The following FNBP1 variants were observed in gnomAD, a reference collection of about 807,000 sequenced individuals.
FNBP1 encodes the protein formin binding protein 1, also known as formin-binding protein 1.
Under a neutral mutation model 90.6 loss-of-function variants are expected in FNBP1, and 26 were observed. That is an observed-to-expected ratio of 0.29 (90% CI 0.21 to 0.40). The LOEUF (loss-of-function observed/expected upper bound fraction) is 0.40. Ranked by LOEUF, FNBP1 falls within the 10% of genes least tolerant of loss-of-function variation. FNBP1 has a pLI of 1.00. For synonymous variants in FNBP1, 260 were observed against 265.2 expected (o/e 0.98, Z 0.19); for missense variants, 635 against 768.0 (o/e 0.83, Z 2.05).
At chr9:129,946,383 C>G (rs1450814936) in intron 6 of FNBP1, among the ~76,000 whole-genome samples, 1 of 152,150 alleles carries the variant, frequency 6.6e-6, no homozygotes, top group African/African-American at 2.4e-5. Context: ...AACTGATACA[C>G]TGTTCAGTGC....
chr9:129,912,429 C>T (rs1030362678), intron 11 of FNBP1, among the ~76,000 whole-genome samples: 1 of 152,142 alleles, frequency 6.6e-6, no homozygotes, highest in Non-Finnish European at 1.5e-5. Context: ...TAGCTCATGC[C>T]TGTAATCTTG....
At chr9:129,949,233 G>A (rs1356993887) in intron 6 of FNBP1, among the ~76,000 whole-genome samples, 1 of 152,116 alleles carries the variant, frequency 6.6e-6, no homozygotes, top group Non-Finnish European at 1.5e-5. Flanking sequence ...GCTGCAAAAT[G>A]TCAAAGAAGA....
At chr9:129,929,859 G>A (rs1295957141) in intron 6 of FNBP1, among the ~76,000 whole-genome samples, 164 bp from the exon 7 acceptor site, 2 of 152,100 alleles carry the variant, frequency 1.3e-5, no homozygotes, top group Non-Finnish European at 2.9e-5. Context: ...ATTGACTTTA[G>A]GTAAGCAATG....
chr9:129,995,055 G>A, intron 1 of FNBP1, 97 bp from the exon 2 acceptor site: 2 of 693,356 alleles, frequency 2.9e-6, no homozygotes, highest in East Asian at 5.4e-5. Flanking sequence ...TACATACAAA[G>A]TAGTACTAAT....
chr9:130,024,566 G>A (rs1057498117), intron 1 of FNBP1, among the ~76,000 whole-genome samples: 1 of 152,132 alleles, frequency 6.6e-6, no homozygotes, highest in Non-Finnish European at 1.5e-5. Context: ...TTCTAGATCT[G>A]CTTGAAGTTA....
chr9:129,929,054 G>A (rs1302032909), intron 7 of FNBP1, among the ~76,000 whole-genome samples: 1 of 151,852 alleles, frequency 6.6e-6, no homozygotes, highest in Non-Finnish European at 1.5e-5. Context: ...GGTCGTGATT[G>A]TGCACTGCAC....
chr9:130,005,511 T>A (rs2055563827), intron 1 of FNBP1, among the ~76,000 whole-genome samples: 1 of 151,832 alleles, frequency 6.6e-6, no homozygotes, highest in Non-Finnish European at 1.5e-5. Flanking sequence ...CCGGCTAATT[T>A]TTTGTATTTT....
intron 16 of FNBP1, among the ~76,000 whole-genome samples, chr9:129,893,637 A>AGAAAAAAAAG (rs1554755876): frequency 1.6e-5 from 1 of 62,224 alleles, no homozygotes; most frequent in Non-Finnish European, 2.6e-5. Context: ...AAAAAAAAAA[A>AGAAAAAAAAG]GCCAGGCACG....
intron 4 of FNBP1, 59 bp downstream of exon 4, chr9:129,978,406 G>A (rs1358223697): frequency 7.4e-7 from 1 of 1,349,010 alleles, no homozygotes; most frequent in African/African-American, 1.4e-5. Context: ...ATCTTCTAGG[G>A]ATATTCCCAC....
At chr9:129,902,812 C>G in intron 13 of FNBP1, 57 bp downstream of exon 13, 1 of 1,586,544 alleles carries the variant, frequency 6.3e-7, no homozygotes, top group Non-Finnish European at 8.6e-7. Context: ...CCATTCTACA[C>G]CGAGGAACAC....
chr9:130,024,946 G>C lies in FNBP1; in HGVS notation c.24+18006C>G, dbSNP rs181747522. Among the ~76,000 whole-genome samples, 288 of 152,128 alleles carry C rather than the reference G, an allele frequency of 1.9e-3. 2 individuals are homozygous for C. Among genetic ancestry groups the C allele is most frequent in the African/African-American group, 6.6e-3 (274 of 41,514 alleles). On this transcript the variant is annotated intron_variant, in intron 1 of 16. Coordinates refer to ENST00000446176, the MANE Select transcript of FNBP1 (RefSeq NM_015033.3). ...TGTAATCCCAGCACTTTGGGAGGCC[G>C]AGGTGGGTGAATCACCTGAGGTCAG...
At chr9:129,903,096 G>A (rs2037272230) in intron 12 of FNBP1, 95 bp from the exon 13 acceptor site, 8 of 1,223,504 alleles carry the variant, frequency 6.5e-6, no homozygotes, top group East Asian at 2.6e-5. Context: ...GCAATGGTGC[G>A]ATCTCGGCTC....
At chr9:129,903,648 A>T (rs1277113508) in intron 12 of FNBP1, among the ~76,000 whole-genome samples, 1 of 152,274 alleles carries the variant, frequency 6.6e-6, no homozygotes, top group Admixed American at 6.5e-5. Flanking sequence ...TACTTTAAAA[A>T]TTTTTAATTA....
rs368951208 is a variant in FNBP1, at chr9:129,908,988, C to T, written c.1197G>A (p.Pro399=). The part of the protein sequence containing the change: ...RGLSLKLGAT[P]EDFSNLPPEQ... ...CAGGTGGGAGGTTGCTGAAATCCTC[C>T]GGTGTTGCACCCTGCAGACACAAAT... Residue 399 remains proline, a synonymous_variant, in exon 12 of 17, where the codon CCG becomes CCA. Transcript: ENST00000446176. 1.4e-5 allele frequency: 22 copies of T among 1,611,434 alleles called. No homozygotes were observed. The Middle Eastern group carries it at 4.9e-4, about 36-fold the overall frequency.
intron 16 of FNBP1, among the ~76,000 whole-genome samples, chr9:129,894,312 C>G (rs1011231280): frequency 6.6e-6 from 1 of 152,112 alleles, no homozygotes; most frequent in Non-Finnish European, 1.5e-5. Flanking sequence ...TTCACTATCT[C>G]CCCTCCCACA....
chr9:129,997,555 C>A (rs1422533662), intron 1 of FNBP1, among the ~76,000 whole-genome samples: 2 of 152,296 alleles, frequency 1.3e-5, no homozygotes, highest in Non-Finnish European at 2.9e-5. Context: ...CTTGAGAGAA[C>A]AAATATACAC....
intron 1 of FNBP1, among the ~76,000 whole-genome samples, chr9:130,033,182 ATC>A: frequency 6.6e-6 from 1 of 152,160 alleles, no homozygotes; most frequent in South Asian, 2.1e-4. Flanking sequence ...TTTACGAACA[ATC>A]TCTCACCTTT....
At chr9:130,024,312 G>A (rs1021276357) in intron 1 of FNBP1, among the ~76,000 whole-genome samples, 2 of 152,084 alleles carry the variant, frequency 1.3e-5, no homozygotes, top group East Asian at 3.9e-4. Context: ...TTAGCTGGGC[G>A]TGGTAGTGTG....
rs2132436313 is a variant in FNBP1, at chr9:130,041,242, G to C, written c.24+1710C>G. Among the ~76,000 whole-genome samples, 1 of 152,206 alleles carries C rather than the reference G, an allele frequency of 6.6e-6. No homozygotes were observed. Among genetic ancestry groups the C allele is most frequent in the South Asian group, 2.1e-4 (1 of 4,826 alleles). On this transcript the variant is annotated intron_variant, in intron 1 of 16. Coordinates refer to ENST00000446176, the MANE Select transcript of FNBP1 (RefSeq NM_015033.3). This position sits in a 1 kb window ranked among gnomAD's most constrained non-coding sequence, Gnocchi z 4.3. ...GCAAGCAATTGCCGCTGTTTTAGCAGTTTTGCTCATAGCCACTGCCTCTCT... is the reference window on the plus strand; with the variant it reads ...GCAAGCAATTGCCGCTGTTTTAGCACTTTTGCTCATAGCCACTGCCTCTCT...
Sources: allele counts gnomAD v4.1 joint callset (sites outside exome capture counted in the v4.1 genomes callset), GRCh38; gene constraint gnomAD v4.1.1; non-coding constraint Gnocchi (gnomAD v3.1); transcripts MANE v1.5; gene names NCBI Gene and HGNC (gene_info 2026-07-23, HGNC 2026-07-21).